Variants in GRXCR1 observed in about 807,000 individuals in gnomAD.
GRXCR1 encodes the protein glutaredoxin and cysteine rich domain containing 1, also known as glutaredoxin domain-containing cysteine-rich protein 1.
GRXCR1 carries 27 observed loss-of-function variants against 27.3 expected under a neutral mutation model. That is an observed-to-expected ratio of 0.99 (90% CI 0.73 to 1.37). The LOEUF (loss-of-function observed/expected upper bound fraction) is 1.37, where lower values mean the gene tolerates loss of function less well. GRXCR1 is among the 40% of genes most tolerant of loss of function. GRXCR1 has a pLI of 0.00. For missense variants in GRXCR1, 379 were observed against 354.4 expected, an observed-to-expected ratio of 1.07 and a Z score of -0.56; for synonymous variants, 122 against 131.1, an observed-to-expected ratio of 0.93 and a Z score of 0.47.
intron 3 of GRXCR1, among the ~76,000 whole-genome samples, chr4:43,021,291 C>T (rs1334657483): frequency 2.0e-5 from 3 of 151,998 alleles, no homozygotes; most frequent in Non-Finnish European, 1.5e-5. Flanking sequence ...TCCTCATTTC[C>T]CTCCACCATT....
chr4:42,996,173 T>C lies in GRXCR1; in HGVS notation c.628-24181T>C, dbSNP rs531817829. On this transcript the variant is annotated intron_variant, in intron 2 of 3. Coordinates refer to ENST00000399770, the MANE Select transcript of GRXCR1 (RefSeq NM_001080476.3). ...AATGATTTTATTAGAAGCAAAATTATTATGGAAGTGAAGTGGAGATTTAAT... is the reference window on the plus strand; with the variant it reads ...AATGATTTTATTAGAAGCAAAATTACTATGGAAGTGAAGTGGAGATTTAAT... Among the ~76,000 whole-genome samples, 14 of 152,316 alleles carry C rather than the reference T, an allele frequency of 9.2e-5. No homozygotes were observed. The East Asian group carries it at 2.7e-3, about 29-fold the overall frequency.
intron 2 of GRXCR1, among the ~76,000 whole-genome samples, chr4:42,976,691 A>G (rs925858986): frequency 6.6e-6 from 1 of 151,976 alleles, no homozygotes; most frequent in African/African-American, 2.4e-5. Flanking sequence ...TTTATTATAA[A>G]TTGACAGATA....
intron 1 of GRXCR1, among the ~76,000 whole-genome samples, chr4:42,932,106 A>G (rs878930818): frequency 6.6e-6 from 1 of 151,984 alleles, no homozygotes; most frequent in Admixed American, 6.6e-5. Context: ...TGTGGGAGCT[A>G]CAATTCAAGA....
chr4:42,975,356 A>G (rs542600239), intron 2 of GRXCR1, among the ~76,000 whole-genome samples: 1 of 152,282 alleles, frequency 6.6e-6, no homozygotes, highest in South Asian at 2.1e-4. Flanking sequence ...TGAGTTTGTC[A>G]TCAGATATTG....
chr4:42,900,506 T>G (rs1329222507), intron 1 of GRXCR1, among the ~76,000 whole-genome samples: 1 of 152,158 alleles, frequency 6.6e-6, no homozygotes, highest in Non-Finnish European at 1.5e-5. Context: ...ATTAGTTGCT[T>G]CTTTTTTGTA....
At chr4:42,984,101 G>T (rs930546937) in intron 2 of GRXCR1, among the ~76,000 whole-genome samples, 1 of 152,124 alleles carries the variant, frequency 6.6e-6, no homozygotes, top group Non-Finnish European at 1.5e-5. Flanking sequence ...CTCCCAAAGT[G>T]CTGGGATTAC....
chr4:42,919,567 T>C (rs1746962463), intron 1 of GRXCR1, among the ~76,000 whole-genome samples: 1 of 152,164 alleles, frequency 6.6e-6, no homozygotes, highest in Non-Finnish European at 1.5e-5. Flanking sequence ...TTCAGATTAC[T>C]GCCTTCAGAG....
At chr4:42,971,568 A>G (rs192859508) in intron 2 of GRXCR1, among the ~76,000 whole-genome samples, 8 of 152,216 alleles carry the variant, frequency 5.3e-5, no homozygotes, top group African/African-American at 1.7e-4. Context: ...AGAGTGAGTG[A>G]GTGAAGGGAA....
chr4:43,021,070 G>A (rs1040341165), intron 3 of GRXCR1, among the ~76,000 whole-genome samples: 3 of 152,114 alleles, frequency 2.0e-5, no homozygotes, highest in Non-Finnish European at 4.4e-5. Context: ...ATGTGAAACA[G>A]GACTTTCCAG....
chr4:42,918,203 C>G (rs1449756857), intron 1 of GRXCR1, among the ~76,000 whole-genome samples: 1 of 152,026 alleles, frequency 6.6e-6, no homozygotes, highest in Non-Finnish European at 1.5e-5. Context: ...GGGAGGAACA[C>G]TGTTTTCACA....
At chr4:42,902,978 A>G (rs1746495860) in intron 1 of GRXCR1, among the ~76,000 whole-genome samples, 1 of 152,180 alleles carries the variant, frequency 6.6e-6, no homozygotes, top group African/African-American at 2.4e-5. Flanking sequence ...CTATGATCTC[A>G]GAGAAGCGTG....
At chr4:42,907,407 G>A (rs1445825493) in intron 1 of GRXCR1, among the ~76,000 whole-genome samples, 1 of 152,154 alleles carries the variant, frequency 6.6e-6, no homozygotes, top group Non-Finnish European at 1.5e-5. Context: ...ACTGCTGTTG[G>A]CTTTGAAATG....
chr4:42,950,098 A>G (rs1040544534), intron 1 of GRXCR1, among the ~76,000 whole-genome samples: 1 of 152,168 alleles, frequency 6.6e-6, no homozygotes, highest in Non-Finnish European at 1.5e-5. Flanking sequence ...TTAATCTTAT[A>G]TAATATTGTA....
chr4:42,979,544 C>G (rs140042366), intron 2 of GRXCR1, among the ~76,000 whole-genome samples: 2 of 152,052 alleles, frequency 1.3e-5, no homozygotes, highest in African/African-American at 4.8e-5. Context: ...ATTTGATTTG[C>G]TAGTATATTG....
At chr4:42,933,352 C>G (rs2109758338) in intron 1 of GRXCR1, among the ~76,000 whole-genome samples, 1 of 151,984 alleles carries the variant, frequency 6.6e-6, no homozygotes, top group East Asian at 2.0e-4. Flanking sequence ...GAAGTGGTCA[C>G]TCTTCCAAGG....
At chr4:43,002,426 C>A (rs967671889) in intron 2 of GRXCR1, among the ~76,000 whole-genome samples, 6 of 152,188 alleles carry the variant, frequency 3.9e-5, no homozygotes, top group Non-Finnish European at 7.3e-5. Context: ...GTTAAGAAGG[C>A]ACGTCCTGCA....
intron 2 of GRXCR1, among the ~76,000 whole-genome samples, chr4:43,019,562 T>C (rs1032842215): frequency 2.6e-5 from 4 of 152,194 alleles, no homozygotes; most frequent in African/African-American, 9.7e-5. Context: ...AGTTTTTCCT[T>C]CTTCCTTCTC....
intron 2 of GRXCR1, among the ~76,000 whole-genome samples, chr4:42,997,863 C>T (rs778069962): frequency 7.2e-5 from 11 of 152,166 alleles, no homozygotes; most frequent in Non-Finnish European, 1.6e-4. Context: ...CTGTGTGGCT[C>T]CTGCATGGCA....
chr4:42,985,934 G>A (rs568352796), intron 2 of GRXCR1, among the ~76,000 whole-genome samples: 1 of 152,022 alleles, frequency 6.6e-6, no homozygotes, highest in Admixed American at 6.5e-5. Flanking sequence ...AGAGTTTCTG[G>A]CCCTCAGGAT....
Sources: gnomAD v4.1 joint callset for allele counts (sites outside exome capture counted in the v4.1 genomes callset) on GRCh38, gnomAD v4.1.1 for gene constraint, MANE v1.5 for transcripts, NCBI Gene and HGNC (gene_info 2026-07-23, HGNC 2026-07-21) for gene names.